The following SCML4 variants were observed in gnomAD, a reference collection of about 807,000 sequenced individuals.
SCML4 encodes sex comb on midleg-like protein 4.
Under a neutral mutation model 41.1 loss-of-function variants are expected in SCML4, and 34 were observed. That is an observed-to-expected ratio of 0.83 (90% CI 0.63 to 1.10). The LOEUF is 1.10. Among genes scored for constraint, SCML4 ranks in the 50% least tolerant of loss-of-function variants. The pLI is 0.00. For synonymous variants in SCML4, 214 were observed against 220.9 expected, an observed-to-expected ratio of 0.97 and a Z score of 0.28; for missense variants, 522 against 534.1, an observed-to-expected ratio of 0.98 and a Z score of 0.22.
chr6:107,717,172 A>AAT lies in SCML4; in HGVS notation c.973+3530_973+3531insAT, dbSNP rs1321916871. Among the ~76,000 whole-genome samples the AAT allele has an allele frequency of 2.7e-3, 308 of 112,754 alleles. 27 individuals carry two copies. Among genetic ancestry groups the AAT allele is most frequent in the African/African-American group, 0.01 (293 of 28,518 alleles). The allele number at this position is 112,754 out of a possible 152,430, so 74.0% of individuals were successfully genotyped here. On this transcript the variant is annotated intron_variant, in intron 6 of 7. Coordinates refer to ENST00000369020, the MANE Select transcript of SCML4 (RefSeq NM_198081.5). ...AAAAAAAAAAAAAAAAAAAAAAAAA[A>AAT]AGCCAGGTGTGGTGGCAGGCACCTG... is the stretch of plus-strand genomic sequence containing the variant.
intron 2 of SCML4, among the ~76,000 whole-genome samples, chr6:107,759,132 C>CAAAAAAAAAAAAAAA (rs60124415): frequency 3.7e-4 from 33 of 88,218 alleles, no homozygotes; most frequent in Admixed American, 6.9e-4. Context: ...ACAAAAAATA[C>CAAAAAAAAAAAAAAA]AAAAAAAAAA....
At chr6:107,752,753 T>C (rs1405366576) in intron 2 of SCML4, among the ~76,000 whole-genome samples, 1 of 152,102 alleles carries the variant, frequency 6.6e-6, no homozygotes, top group Non-Finnish European at 1.5e-5. Context: ...GGGATAAGAA[T>C]AAATCTTTGC....
At chr6:107,788,187 A>G (rs778398887) in intron 1 of SCML4, among the ~76,000 whole-genome samples, 1 of 152,202 alleles carries the variant, frequency 6.6e-6, no homozygotes, top group African/African-American at 2.4e-5. Flanking sequence ...CCCAATAGAC[A>G]AGGACCATGT....
At chr6:107,787,745 G>A (rs1782011582) in intron 1 of SCML4, among the ~76,000 whole-genome samples, 2 of 152,194 alleles carry the variant, frequency 1.3e-5, no homozygotes, top group African/African-American at 4.8e-5. Flanking sequence ...TCGGCACCTT[G>A]CCAAGTAGGA....
intron 1 of SCML4, among the ~76,000 whole-genome samples, chr6:107,779,024 C>CA (rs1272842553): frequency 2.0e-5 from 3 of 151,936 alleles, no homozygotes; most frequent in Non-Finnish European, 4.4e-5. Flanking sequence ...ACTAAAAATA[C>CA]AAAACATTAG....
At chr6:107,750,144 C>T (rs1778492734) in intron 2 of SCML4, among the ~76,000 whole-genome samples, 1 of 152,196 alleles carries the variant, frequency 6.6e-6, no homozygotes, top group Non-Finnish European at 1.5e-5. Flanking sequence ...GAGTTTCCAG[C>T]CTGCAGCCCA....
chr6:107,787,040 G>T (rs1562258410), intron 1 of SCML4, among the ~76,000 whole-genome samples: 1 of 152,226 alleles, frequency 6.6e-6, no homozygotes, highest in Non-Finnish European at 1.5e-5. Context: ...AGAGCTCTCT[G>T]CATAACTCCC....
At position 107,788,571 on chromosome 6, in the gene SCML4, C is replaced by T. The variant is rs143333670; in HGVS notation, c.-59-16185G>A. Among the ~76,000 whole-genome samples, 390 of 152,310 alleles carry T rather than the reference C, an allele frequency of 2.6e-3. 2 individuals carry two copies. Among genetic ancestry groups the T allele is most frequent in the African/African-American group, 8.8e-3 (364 of 41,572 alleles). On this transcript the variant is annotated intron_variant, in intron 1 of 7. Coordinates refer to ENST00000369020, the MANE Select transcript of SCML4 (RefSeq NM_198081.5). ...AAGAAATACACCCATCCAGACAATG[C>T]GACATTCCTCATCTTTTTCTACAGA...
chr6:107,738,465 A>T lies in SCML4; in HGVS notation c.682+6484T>A, dbSNP rs574704324. Among the ~76,000 whole-genome samples the T allele has an allele frequency of 6.6e-5, 10 of 152,038 alleles. No individual in the cohort carries two copies. The South Asian group carries it at 1.9e-3, about 28-fold the overall frequency. ...GTCAAAATCCCGTCTCTATAAAAAT[A>T]CAAAAATTAGCCAGGTGTGGTGGTG... On this transcript the variant is annotated intron_variant, in intron 5 of 7. Transcript: ENST00000369020.
At chr6:107,843,456 C>T in the SCML4 span, among the ~76,000 whole-genome samples, 5 of 152,170 alleles carry the variant, frequency 3.3e-5, no homozygotes, top group African/African-American at 1.2e-4. Flanking sequence ...ACCTATTTTG[C>T]ACCAATCTGA....
chr6:107,740,007 G>C, intron 5 of SCML4: 2 of 403,316 alleles, frequency 5.0e-6, no homozygotes, highest in Non-Finnish European at 9.8e-6. Flanking sequence ...GGATAATTTA[G>C]AGCAATTTAT....
chr6:107,836,204 T>C, the SCML4 span, among the ~76,000 whole-genome samples: 1 of 152,194 alleles, frequency 6.6e-6, no homozygotes, highest in Non-Finnish European at 1.5e-5. Flanking sequence ...TCATACATCC[T>C]GTTAAGAAAC....
chr6:107,732,774 A>T (rs6568491), intron 5 of SCML4, among the ~76,000 whole-genome samples: 31,798 of 151,986 alleles, frequency 0.21, 3,656 homozygotes, highest in African/African-American at 0.3. Flanking sequence ...TGGGTGGGAC[A>T]TCCTGTGGTC....
chr6:107,840,716 G>A, the SCML4 span, among the ~76,000 whole-genome samples: 114,386 of 152,008 alleles, frequency 0.75, 43,837 homozygotes, highest in East Asian at 0.93. Flanking sequence ...GAGGGGGAGA[G>A]GAGTTGCAAT....
At chr6:107,833,227 C>T in the SCML4 span, among the ~76,000 whole-genome samples, 11 of 152,100 alleles carry the variant, frequency 7.2e-5, no homozygotes, top group African/African-American at 1.7e-4. Flanking sequence ...TCTCAAGATG[C>T]GTTGTTTAAG....
intron 5 of SCML4, among the ~76,000 whole-genome samples, chr6:107,733,256 G>A (rs1341439354): frequency 6.6e-6 from 1 of 152,152 alleles, no homozygotes; most frequent in Non-Finnish European, 1.5e-5. Context: ...TAACTATTGT[G>A]GACAGAAGAA....
intron 2 of SCML4, among the ~76,000 whole-genome samples, chr6:107,758,062 A>G (rs966028687): frequency 6.6e-6 from 1 of 152,230 alleles, no homozygotes; most frequent in Non-Finnish European, 1.5e-5. Flanking sequence ...AGGAAAAAAA[A>G]TCATTCATTC....
chr6:107,825,688 C>T (rs1785221659), upstream of SCML4, among the ~76,000 whole-genome samples: 1 of 152,004 alleles, frequency 6.6e-6, no homozygotes, highest in African/African-American at 2.4e-5. Context: ...TGCCTGTAAT[C>T]CCAGCACTTT....
intron 1 of SCML4, among the ~76,000 whole-genome samples, chr6:107,820,032 T>G (rs757666869): frequency 2.0e-5 from 3 of 152,230 alleles, no homozygotes; most frequent in Non-Finnish European, 4.4e-5. Flanking sequence ...CTTCTCCTGA[T>G]TGCTAAGTGC....
Sources: allele counts gnomAD v4.1 joint callset (sites outside exome capture counted in the v4.1 genomes callset), GRCh38; gene constraint gnomAD v4.1.1; transcripts MANE v1.5; gene names NCBI Gene and HGNC (gene_info 2026-07-23, HGNC 2026-07-21).